HDGFL3: variants seen among roughly 807,000 people sequenced by gnomAD.
The protein encoded by HDGFL3 is hepatoma-derived growth factor-related protein 3.
In HDGFL3, 6 loss-of-function variants were observed where a neutral mutation model predicts 27.6. The observed-to-expected ratio is 0.22, with a 90% CI of 0.12 to 0.43. The LOEUF is 0.43. Ranked by LOEUF, HDGFL3 falls within the 20% of genes least tolerant of loss-of-function variation. The pLI, the probability that HDGFL3 is intolerant of heterozygous loss-of-function variation, is 1.00. For missense variants in HDGFL3, 207 were observed against 250.1 expected (o/e 0.83, Z 1.16); for synonymous variants, 88 against 88.9 (o/e 0.99, Z 0.05).
intron 1 of HDGFL3, among the ~76,000 whole-genome samples, chr15:83,174,990 A>G (rs960484712): frequency 6.6e-6 from 1 of 152,238 alleles, no homozygotes; most frequent in African/African-American, 2.4e-5. Flanking sequence ...GATTCAGATT[A>G]AAATCCAGCT....
chr15:83,198,155 T>C (rs1362828419), intron 1 of HDGFL3, among the ~76,000 whole-genome samples: 1 of 151,192 alleles, frequency 6.6e-6, no homozygotes, highest in Admixed American at 6.6e-5. Flanking sequence ...AAAATCTATA[T>C]AACTAACCTT....
At chr15:83,124,253 A>G (rs1462208818), downstream of HDGFL3, among the ~76,000 whole-genome samples, 2 of 152,164 alleles carry the variant, frequency 1.3e-5, no homozygotes, top group African/African-American at 4.8e-5. Context: ...AATTGTTCCT[A>G]ATTTTGTGAA....
chr15:83,183,931 T>C (rs955983190), intron 1 of HDGFL3, among the ~76,000 whole-genome samples: 1 of 152,152 alleles, frequency 6.6e-6, no homozygotes, highest in Non-Finnish European at 1.5e-5. Flanking sequence ...CCAGCAAAAT[T>C]TCCCTAGTTA....
At chr15:83,122,904 C>G (rs1465592045), downstream of HDGFL3, 1 of 1,612,270 alleles carries the variant, frequency 6.2e-7, no homozygotes, top group Non-Finnish European at 8.5e-7. Context: ...TTTGATGTAC[C>G]CTGTTCTCAA....
At chr15:83,118,359 T>C (rs2034894393) in intron 3 of HDGFL3, among the ~76,000 whole-genome samples, 1 of 152,120 alleles carries the variant, frequency 6.6e-6, no homozygotes, top group Non-Finnish European at 1.5e-5. Context: ...AAAGGACCTG[T>C]GGCCTGTGCA....
chr15:83,167,032 T>A (rs1020629977), intron 1 of HDGFL3, among the ~76,000 whole-genome samples: 2 of 152,056 alleles, frequency 1.3e-5, no homozygotes, highest in African/African-American at 4.8e-5. Context: ...AATAGCAACA[T>A]TGAATGTAAA....
At chr15:83,189,609 A>G (rs1037390053) in intron 1 of HDGFL3, 4 of 152,136 alleles carry the variant, frequency 2.6e-5, no homozygotes, top group Admixed American at 2.0e-4. Context: ...ATTAAATTAC[A>G]TATTACTCTG....
At chr15:83,143,747 T>C (rs2036832060) in intron 5 of HDGFL3, among the ~76,000 whole-genome samples, 2 of 152,188 alleles carry the variant, frequency 1.3e-5, no homozygotes, top group South Asian at 4.1e-4. Context: ...TGGGGAGATA[T>C]AAGGCAGCAG....
In HDGFL3 at chr15:83,132,663, G is replaced by A. The variant is rs1466833306; in HGVS notation, c.*6607C>T. The A allele has an allele frequency of 6.6e-6, 1 of 152,034 alleles. No individual in the cohort carries two copies. The highest frequency in any genetic ancestry group is 1.5e-5 in the Non-Finnish European group (1 of 68,008). The allele number at this position is 152,034 out of a possible 1,614,324, so 9.4% of individuals were successfully genotyped here. A position where few individuals can be genotyped will look rare whatever the true frequency, so the allele number is the denominator to read the frequency against. On this transcript the variant is annotated 3_prime_UTR_variant, in exon 6 of 6. Transcript: ENST00000299633. ...CCCGCCTTGGCATCCCAAAGTGCTG[G>A]GATTATAGGTATGAGCCACCACGCT...
At chr15:83,143,323 G>A (rs951292459) in intron 5 of HDGFL3, among the ~76,000 whole-genome samples, 3 of 151,986 alleles carry the variant, frequency 2.0e-5, no homozygotes, top group Non-Finnish European at 4.4e-5. Flanking sequence ...AGTGACTCAC[G>A]CCTGTAATCG....
chr15:83,113,126 G>A (rs957725455), exon 4 of HDGFL3: 14 of 568,026 alleles, frequency 2.5e-5, no homozygotes, highest in Non-Finnish European at 4.4e-5. Context: ...GTTACTGCCA[G>A]GCCAGGCAGG....
At chr15:83,156,638 T>A (rs536663316) in intron 4 of HDGFL3, among the ~76,000 whole-genome samples, 8 of 152,336 alleles carry the variant, frequency 5.3e-5, no homozygotes, top group African/African-American at 1.9e-4. Flanking sequence ...CTGTACCACC[T>A]ACATTTGTGT....
At position 83,131,300 on chromosome 15, in the gene HDGFL3, T is replaced by C. The variant is rs1238227033; in HGVS notation, c.*7970A>G. 6.6e-6 allele frequency: 1 copy of C among 151,990 alleles called. No homozygotes were observed. The highest frequency in any genetic ancestry group is 2.4e-5 in the African/African-American group (1 of 41,352). The allele number at this position is 151,990 out of a possible 1,614,324, so 9.4% of individuals were successfully genotyped here. ...TTAGTAAGGGAAAAAAAAACCACCT[T>C]TGAAAAGTTCTAGATCAGTATAGGC... On this transcript the variant is annotated 3_prime_UTR_variant, in exon 6 of 6. Transcript: ENST00000299633.
exon 4 of HDGFL3, chr15:83,112,973 C>A: frequency 7.9e-7 from 1 of 1,270,746 alleles, no homozygotes; most frequent in Non-Finnish European, 1.2e-6. Flanking sequence ...TCACATATTC[C>A]TCCTTGGTTG....
At chr15:83,153,025 C>G (rs1373923491) in intron 4 of HDGFL3, among the ~76,000 whole-genome samples, 1 of 142,694 alleles carries the variant, frequency 7.0e-6, no homozygotes, top group Admixed American at 7.4e-5. Context: ...GACGGAGTCT[C>G]GCTCTGTTGC....
downstream of HDGFL3, among the ~76,000 whole-genome samples, chr15:83,125,016 T>C (rs28722128): frequency 0.012 from 1,863 of 152,252 alleles, 36 homozygotes; most frequent in African/African-American, 0.042. Context: ...TCCTCCCCGT[T>C]TTAGGGCATC....
chr15:83,193,455 T>G (rs565626380), intron 1 of HDGFL3, among the ~76,000 whole-genome samples: 12 of 152,084 alleles, frequency 7.9e-5, no homozygotes, highest in Non-Finnish European at 1.6e-4. Flanking sequence ...AGTAAAGAAA[T>G]TGGAACCCTT....
At chr15:83,117,178 T>C (rs1375154573) in intron 3 of HDGFL3, among the ~76,000 whole-genome samples, 1 of 151,350 alleles carries the variant, frequency 6.6e-6, no homozygotes, top group Admixed American at 6.6e-5. Context: ...ACCAGGGAGG[T>C]AGGGGGAATT....
At chr15:83,189,181 A>G (rs1284980867) in intron 1 of HDGFL3, among the ~76,000 whole-genome samples, 4 of 151,982 alleles carry the variant, frequency 2.6e-5, no homozygotes, top group Non-Finnish European at 4.4e-5. Flanking sequence ...CTTTGAATCT[A>G]CCTTCCCCTA....
Sources: allele counts gnomAD v4.1 joint callset (sites outside exome capture counted in the v4.1 genomes callset), GRCh38; gene constraint gnomAD v4.1.1; transcripts MANE v1.5; gene names NCBI Gene and HGNC (gene_info 2026-07-23, HGNC 2026-07-21).